Variants in GAS7 observed in about 807,000 individuals in gnomAD.
GAS7 encodes growth arrest-specific protein 7.
GAS7 carries 28 observed loss-of-function variants against 71.1 expected under a neutral mutation model. That is an observed-to-expected ratio of 0.39 (90% CI 0.29 to 0.54). GAS7 has a LOEUF of 0.54. Among genes scored for constraint, GAS7 ranks in the 20% least tolerant of loss-of-function variants. The probability of loss-of-function intolerance (pLI) is 0.62; values close to 1 mark genes in which losing one functional copy is unlikely to be tolerated. For synonymous variants in GAS7, 258 were observed against 245.8 expected, an observed-to-expected ratio of 1.05 and a Z score of -0.46; for missense variants, 436 against 627.8, an observed-to-expected ratio of 0.69 and a Z score of 3.27.
At chr17:9,943,597 T>A (rs2068685326) in intron 6 of GAS7, among the ~76,000 whole-genome samples, 1 of 152,208 alleles carries the variant, frequency 6.6e-6, no homozygotes, top group Admixed American at 6.5e-5. Flanking sequence ...TCGGCGAATC[T>A]TGGCATCCTG....
intron 2 of GAS7, among the ~76,000 whole-genome samples, chr17:10,007,819 A>G (rs1377440469): frequency 6.6e-6 from 1 of 152,002 alleles, no homozygotes; most frequent in Non-Finnish European, 1.5e-5. Flanking sequence ...TATAACCTGC[A>G]CCACTACCTA....
chr17:10,132,140 A>G (rs552068209), intron 1 of GAS7, among the ~76,000 whole-genome samples: 4 of 152,372 alleles, frequency 2.6e-5, no homozygotes, highest in African/African-American at 9.6e-5. Flanking sequence ...AAATGTACGC[A>G]TGAATGTATG....
At chr17:10,135,461 C>G (rs2074030778) in intron 1 of GAS7, among the ~76,000 whole-genome samples, 1 of 152,220 alleles carries the variant, frequency 6.6e-6, no homozygotes. Context: ...TGGCTCTTCA[C>G]CAGAAAGTCC....
At chr17:9,958,879 G>A in intron 5 of GAS7, 2 of 735,222 alleles carry the variant, frequency 2.7e-6, no homozygotes, top group Middle Eastern at 4.9e-4. Flanking sequence ...CACATCACTT[G>A]CGCTGAGCAC....
intron 1 of GAS7, among the ~76,000 whole-genome samples, chr17:10,039,358 T>C (rs895694781): frequency 1.3e-5 from 2 of 151,926 alleles, no homozygotes; most frequent in Non-Finnish European, 2.9e-5. Flanking sequence ...CCCAGCCTCT[T>C]GGCAATGGTG....
At chr17:10,043,615 G>A (rs1463367583) in intron 1 of GAS7, among the ~76,000 whole-genome samples, 1 of 152,072 alleles carries the variant, frequency 6.6e-6, no homozygotes, top group African/African-American at 2.4e-5. Context: ...AAAATAAAAT[G>A]TTAAGAAAAT....
At position 9,962,513 on chromosome 17, in the gene GAS7, C is replaced by T. The variant is rs77434126; in HGVS notation, c.472-3258G>A. 1.9e-3 allele frequency among the ~76,000 whole-genome samples: 288 copies of T among 152,310 alleles called. 3 individuals are homozygous for T. In the East Asian group the frequency reaches 0.02, roughly 11 times the overall value. Reference sequence around the variant, plus strand: ...AAAGGGCTACCACAGGCCAAATCTGCGACAATTTGAGCACAAATATGAATG... The same window carrying T: ...AAAGGGCTACCACAGGCCAAATCTGTGACAATTTGAGCACAAATATGAATG... On this transcript the variant is annotated intron_variant, in intron 4 of 13. Transcript: ENST00000432992.
At position 10,102,827 on chromosome 17, in the gene GAS7, C is replaced by T. The variant is rs546652850; in HGVS notation, c.184-82930G>A. ...CAACATTGACAAGACCCATTTTAAA[C>T]GGAGAGCCACAAATCCCAAACAGGC... is the stretch of plus-strand genomic sequence containing the variant. On this transcript the variant is annotated intron_variant, in intron 1 of 13. Transcript: ENST00000432992. Among the ~76,000 whole-genome samples, 10 of 151,150 alleles carry T rather than the reference C, an allele frequency of 6.6e-5. No homozygotes were observed. The East Asian group carries it at 1.4e-3, about 21-fold the overall frequency.
At chr17:9,954,928 T>C (rs895311956) in intron 5 of GAS7, among the ~76,000 whole-genome samples, 1 of 151,834 alleles carries the variant, frequency 6.6e-6, no homozygotes, top group Non-Finnish European at 1.5e-5. Flanking sequence ...TGGTGAGAGG[T>C]GTGTGCGCGC....
At chr17:10,143,125 T>G (rs2074095992) in intron 1 of GAS7, among the ~76,000 whole-genome samples, 1 of 152,006 alleles carries the variant, frequency 6.6e-6, no homozygotes. Context: ...GAGGTTTCAG[T>G]GAGCTGAGAT....
intron 4 of GAS7, among the ~76,000 whole-genome samples, chr17:9,966,503 T>G (rs1187346022): frequency 6.6e-6 from 1 of 152,182 alleles, no homozygotes; most frequent in Non-Finnish European, 1.5e-5. Context: ...TATTGATGTT[T>G]AAGTGTAGTT....
chr17:9,966,344 G>T (rs968109102), intron 4 of GAS7, among the ~76,000 whole-genome samples: 4 of 152,034 alleles, frequency 2.6e-5, no homozygotes, highest in African/African-American at 9.7e-5. Context: ...CTCAAGGAGG[G>T]GCAGCTAAGC....
chr17:10,195,954 C>T (rs1019490376), intron 1 of GAS7, among the ~76,000 whole-genome samples: 6 of 152,118 alleles, frequency 3.9e-5, no homozygotes, highest in East Asian at 1.9e-4. Flanking sequence ...ATACAGGACT[C>T]GGGCCCACTG....
chr17:10,166,006 T>C (rs1212363367), intron 1 of GAS7, among the ~76,000 whole-genome samples: 1 of 123,572 alleles, frequency 8.1e-6, no homozygotes, highest in Non-Finnish European at 1.7e-5. Context: ...TTTCTTTTTC[T>C]TTTTCTTTTT....
chr17:10,190,043 T>C (rs2074486108), intron 1 of GAS7, among the ~76,000 whole-genome samples: 1 of 152,206 alleles, frequency 6.6e-6, no homozygotes, highest in South Asian at 2.1e-4. Flanking sequence ...AAAGTTTTAT[T>C]GGAACACAGG....
intron 1 of GAS7, among the ~76,000 whole-genome samples, chr17:10,037,458 T>C (rs900955523): frequency 1.3e-5 from 2 of 150,438 alleles, no homozygotes; most frequent in Non-Finnish European, 2.9e-5. Context: ...GAATTAAATA[T>C]GGTTTTCTAG....
At chr17:9,928,392 G>C (rs577699237) in intron 9 of GAS7, among the ~76,000 whole-genome samples, 2 of 152,040 alleles carry the variant, frequency 1.3e-5, no homozygotes, top group Non-Finnish European at 2.9e-5. Context: ...AAAGTGCTGG[G>C]ATTACAGGCG....
intron 1 of GAS7, among the ~76,000 whole-genome samples, chr17:10,053,877 C>A (rs116450559): frequency 6.6e-6 from 1 of 152,144 alleles, no homozygotes; most frequent in Non-Finnish European, 1.5e-5. Context: ...AGCATCAGAG[C>A]GGTGATTCTC....
chr17:10,197,840 T>C (rs567561877), intron 1 of GAS7, among the ~76,000 whole-genome samples: 26 of 152,288 alleles, frequency 1.7e-4, no homozygotes, highest in Non-Finnish European at 3.4e-4. Flanking sequence ...GCACCCCTGA[T>C]CCTCCGTGCC....
Sources: gnomAD v4.1 joint callset for allele counts (sites outside exome capture counted in the v4.1 genomes callset) on GRCh38, gnomAD v4.1.1 for gene constraint, MANE v1.5 for transcripts, NCBI Gene and HGNC (gene_info 2026-07-23, HGNC 2026-07-21) for gene names.